The following TSC2 variants were observed in gnomAD, a reference collection of about 807,000 sequenced individuals.
The protein encoded by TSC2 is TSC complex subunit 2, also known as tuberin.
Under a neutral mutation model 202.2 loss-of-function variants are expected in TSC2, and 29 were observed. The ratio of observed to expected loss-of-function variants is 0.14; its 90% CI spans 0.11 to 0.20. The LOEUF (loss-of-function observed/expected upper bound fraction) is 0.20. Among genes scored for constraint, TSC2 ranks in the 10% least tolerant of loss-of-function variants. The pLI is 1.00. For synonymous variants in TSC2, 1,349 were observed against 1,044.0 expected (o/e 1.29, Z -5.63); for missense variants, 2,429 against 2,420.0 (o/e 1.00, Z -0.08).
Position 2,074,415 on chromosome 16 carries a change from G to A in TSC2, c.2545+26G>A, listed in dbSNP as rs45517242. 4.6e-3 allele frequency: 7,460 copies of A among 1,605,828 alleles called. 26 individuals carry two copies. Among genetic ancestry groups the A allele is most frequent in the Non-Finnish European group, 5.6e-3 (6,652 of 1,179,920 alleles). On this transcript the variant is annotated intron_variant, in intron 22 of 41. Coordinates refer to ENST00000219476, the MANE Select transcript of TSC2 (RefSeq NM_000548.5). ...GTGAGTCCCCGCCCTGCCTGCGCATGCACCCGAGAGGTTCGGGCTGTGTAA... is the reference window on the plus strand; with the variant it reads ...GTGAGTCCCCGCCCTGCCTGCGCATACACCCGAGAGGTTCGGGCTGTGTAA...
intron 24 of TSC2, 76 bp from the exon 25 acceptor site, chr16:2,076,415 G>A: frequency 6.3e-7 from 1 of 1,596,518 alleles, no homozygotes; most frequent in Non-Finnish European, 8.6e-7. Flanking sequence ...CTGGCCAGGG[G>A]GCACCCGGCA....
At chr16:2,081,876 C>T in intron 31 of TSC2, 78 bp downstream of exon 31, 5 of 1,555,752 alleles carry the variant, frequency 3.2e-6, no homozygotes, top group Middle Eastern at 4.6e-4. Context: ...TGTGGCTCCT[C>T]TCTGCTGAGG....
At position 2,079,466 on chromosome 16, in the gene TSC2, C is replaced by G. The variant is rs186665074; in HGVS notation, c.3284+38C>G. On this transcript the variant is annotated intron_variant, in intron 28 of 41. Transcript: ENST00000219476. The surrounding 1 kb of genome is among the most constrained non-coding windows in gnomAD (Gnocchi z 4.6). ...TCCTTTCCTCCGCGCCTGCCAGCCT[C>G]GACACCGGCTGTCCCGAGCCCAGGC... The G allele has an allele frequency of 6.2e-7, 1 of 1,612,236 alleles. No homozygotes were observed. The highest frequency in any genetic ancestry group is 1.3e-5 in the African/African-American group (1 of 75,040).
At chr16:2,065,828 G>A (rs1043587402) in intron 16 of TSC2, among the ~76,000 whole-genome samples, 193 bp downstream of exon 16, 20 of 152,190 alleles carry the variant, frequency 1.3e-4, no homozygotes, top group Admixed American at 2.0e-4. Context: ...AAGAGGCCCC[G>A]TTGTACGCCC....
chr16:2,077,676 C>A lies in TSC2; in HGVS notation c.2916C>A (p.Ala972=), dbSNP rs751474097. 14 of 1,612,964 alleles carry A rather than the reference C, an allele frequency of 8.7e-6. No individual in the cohort carries two copies. The highest frequency in any genetic ancestry group is 1.7e-5 in the Admixed American group (1 of 60,010). The part of the protein sequence containing the change: ...PVKEFKESSA[A]EAFRCRSISV... ...AAGAATTCAAGGAGAGCTCTGCAGC[C>A]GAGGCCTTCCGGTGCCGCAGCATCA... Residue 972 remains alanine, a synonymous_variant, in exon 26 of 42, where the codon GCC becomes GCA. Transcript: ENST00000219476.
chr16:2,071,967 A>C (rs2151310170), intron 19 of TSC2, 33 bp downstream of exon 19: 1 of 1,547,528 alleles, frequency 6.5e-7, no homozygotes. Flanking sequence ...CATCCGTCCC[A>C]CGTTGGGCCA....
At chr16:2,060,854 A>G in intron 11 of TSC2, 41 bp downstream of exon 11, 1 of 1,609,596 alleles carries the variant, frequency 6.2e-7, no homozygotes, top group Non-Finnish European at 8.5e-7. Context: ...CCGGGAACCC[A>G]GACAGGCAGG....
At chr16:2,056,911 A>T in intron 8 of TSC2, 142 bp downstream of exon 8, 1 of 1,476,606 alleles carries the variant, frequency 6.8e-7, no homozygotes, top group Non-Finnish European at 9.3e-7. Flanking sequence ...TCATTTTCCC[A>T]GGCAGTTGAG....
chr16:2,088,866 CGCGCGT>C lies in TSC2; in HGVS notation c.*262_*267del, dbSNP rs944671596. ...GGCTGCCTGGGCCATACAGCACACTCGCGCGTGCGCGCGCGCACACACACACACACA... is the reference window on the plus strand; with the variant it reads ...GGCTGCCTGGGCCATACAGCACACTCGCGCGCGCGCACACACACACACACA... On this transcript the variant is annotated 3_prime_UTR_variant, in exon 42 of 42. Coordinates refer to ENST00000219476, the MANE Select transcript of TSC2 (RefSeq NM_000548.5). 1.2e-5 allele frequency: 6 copies of C among 505,158 alleles called. No individual in the cohort carries two copies. The highest frequency in any genetic ancestry group is 5.3e-4 in the Middle Eastern group (1 of 1,898). The allele number at this position is 505,158 out of a possible 1,614,324, so 31.3% of individuals were successfully genotyped here. A position where few individuals can be genotyped will look rare whatever the true frequency, so the allele number is the denominator to read the frequency against.
Position 2,083,790 on chromosome 16 carries a change from G to A in TSC2, c.3979G>A (p.Asp1327Asn). 2 of 1,611,598 alleles carry A rather than the reference G, an allele frequency of 1.2e-6. No homozygotes were observed. Among genetic ancestry groups the A allele is most frequent in the Non-Finnish European group, 1.7e-6 (2 of 1,179,656 alleles). ...LEDVEAALGMDRRTDAYSRSS... is the reference protein window; with the variant it reads ...LEDVEAALGMNRRTDAYSRSS... ...GGACGTTGAGGCAGCGCTAGGCATG[G>A]ACAGGCGCACGGATGCCTACAGCAG... The change falls in exon 33 of 42, where the codon GAC (aspartate) becomes AAC (asparagine). Residue 1327 changes from aspartate (D) to asparagine (N), a missense_variant. Asp to Asn is a conservative substitution (Grantham distance 23). Coordinates refer to ENST00000219476, the MANE Select transcript of TSC2 (RefSeq NM_000548.5).
rs45471596 is a variant in TSC2 at position 2,065,580 on chromosome 16, C to T, written c.1661C>T (p.Ser554Leu). 29 of 1,613,788 alleles carry T rather than the reference C, an allele frequency of 1.8e-5. No individual in the cohort carries two copies. In the South Asian group the frequency reaches 2.3e-4, roughly 13 times the overall value. Residue 554 changes from serine (S) to leucine (L), a missense_variant, in exon 16 of 42, where the codon TCG becomes TTG. Physicochemically the swap from Ser to Leu is moderately radical, Grantham distance 145. Coordinates refer to ENST00000219476, the MANE Select transcript of TSC2 (RefSeq NM_000548.5). ...ELEERDVAAY[S>L]ASLEDVKTAV... ...GAAGAAAGGGATGTGGCCGCATACT[C>T]GGCCTCCTTGGAGGATGTGAAGACA...
Position 2,061,457 on chromosome 16 carries a change from A to G in TSC2, c.1120-414A>G, listed in dbSNP as rs1391513044. ...GCAGAGGTCATAGCCTGGGGCTTCT[A>G]AAAGAGGCTGGACCTGGGAGAGGCA... On this transcript the variant is annotated intron_variant, in intron 11 of 41. Coordinates refer to ENST00000219476, the MANE Select transcript of TSC2 (RefSeq NM_000548.5). 1.5e-5 allele frequency: 5 copies of G among 343,476 alleles called. 1 individual carries two copies. The highest frequency in any genetic ancestry group is 1.2e-4 in the South Asian group (5 of 42,038). The allele number at this position is 343,476 out of a possible 1,614,324, so 21.3% of individuals were successfully genotyped here. A position where few individuals can be genotyped will look rare whatever the true frequency, so the allele number is the denominator to read the frequency against.
chr16:2,057,312 T>A, intron 9 of TSC2, 134 bp downstream of exon 9: 1 of 1,033,558 alleles, frequency 9.7e-7, no homozygotes, highest in Non-Finnish European at 1.5e-6. Context: ...AGGCTGCCAC[T>A]AGAGCGAGGC....
intron 1 of TSC2, among the ~76,000 whole-genome samples, 159 bp from the exon 2 acceptor site, chr16:2,048,428 C>T (rs2084636210): frequency 6.6e-6 from 1 of 152,116 alleles, no homozygotes; most frequent in African/African-American, 2.4e-5. Context: ...TGCCTGTTTG[C>T]GAGCTGGTCA....
chr16:2,080,139 C>T (rs768910182), intron 29 of TSC2, 26 bp from the exon 30 acceptor site: 3 of 1,612,462 alleles, frequency 1.9e-6, no homozygotes, highest in Non-Finnish European at 1.7e-6. Flanking sequence ...AAGTGGTGGT[C>T]ACCAGTCCTC....
intron 3 of TSC2, among the ~76,000 whole-genome samples, chr16:2,051,000 G>A (rs2151003300): frequency 6.6e-6 from 1 of 152,228 alleles, no homozygotes; most frequent in Admixed American, 6.5e-5. Flanking sequence ...GGGAGCAAAG[G>A]GATTAGGCTT....
chr16:2,085,032 C>T lies in TSC2; in HGVS notation c.4569+6C>T, dbSNP rs756614796. ...CAATCCTGCTGCCCAATGAGGTAGG[C>T]GTGGCCTCCCTCTCCTGCATCCGCT... On this transcript the variant is annotated splice_donor_region_variant and intron_variant, in intron 35 of 41. Transcript: ENST00000219476. The T allele has an allele frequency of 2.4e-5, 39 of 1,613,182 alleles. No individual in the cohort carries two copies. The highest frequency in any genetic ancestry group is 1.6e-4 in the Middle Eastern group (1 of 6,062).
intron 31 of TSC2, 159 bp from the exon 32 acceptor site, chr16:2,082,277 G>A: frequency 1.2e-6 from 1 of 800,230 alleles, no homozygotes; most frequent in Non-Finnish European, 2.1e-6. Flanking sequence ...CCTCAGGTCT[G>A]CCCAAGCAGC....
chr16:2,081,557 G>T, intron 30 of TSC2, 38 bp from the exon 31 acceptor site: 1 of 1,611,660 alleles, frequency 6.2e-7, no homozygotes, highest in African/African-American at 1.3e-5. Context: ...GTAAGGGGAG[G>T]TACTGGCCTC....
Sources: allele counts gnomAD v4.1 joint callset (sites outside exome capture counted in the v4.1 genomes callset), GRCh38; gene constraint gnomAD v4.1.1; non-coding constraint Gnocchi (gnomAD v3.1); transcripts MANE v1.5; gene names NCBI Gene and HGNC (gene_info 2026-07-23, HGNC 2026-07-21).